CCDC85A: variants seen among roughly 807,000 people sequenced by gnomAD.
The protein encoded by CCDC85A is coiled-coil domain-containing protein 85A.
A neutral mutation model predicts 50.2 loss-of-function variants in CCDC85A; 38 were observed. That is an observed-to-expected ratio of 0.76 (90% CI 0.58 to 0.99). CCDC85A has a LOEUF of 0.99. CCDC85A is among the 50% of genes least tolerant of loss of function. The probability of loss-of-function intolerance (pLI) is 0.00; values close to 1 mark genes in which losing one functional copy is unlikely to be tolerated. For synonymous variants in CCDC85A, 366 were observed against 301.4 expected, an observed-to-expected ratio of 1.21 and a Z score of -2.22; for missense variants, 820 against 742.0, an observed-to-expected ratio of 1.11 and a Z score of -1.22.
Position 56,184,081 on chromosome 2 carries a change from C to A in CCDC85A, c.-544C>A. On this transcript the variant is annotated 5_prime_UTR_variant, in exon 1 of 6. Coordinates refer to ENST00000407595, the MANE Select transcript of CCDC85A (RefSeq NM_001080433.2). ...GAAGGCGGCAGGAGGAGCGCAGCAGCCTTCGGGCAGCCGCGGCGGCGTCGC... is the reference window on the plus strand; with the variant it reads ...GAAGGCGGCAGGAGGAGCGCAGCAGACTTCGGGCAGCCGCGGCGGCGTCGC... 1.0e-6 allele frequency: 1 copy of A among 985,398 alleles called. No homozygotes were observed. Among genetic ancestry groups the A allele is most frequent in the South Asian group, 4.7e-5 (1 of 21,284 alleles). The allele number at this position is 985,398 out of a possible 1,614,324, so 61.0% of individuals were successfully genotyped here.
At chr2:56,264,851 T>C (rs1670369739) in intron 2 of CCDC85A, among the ~76,000 whole-genome samples, 1 of 152,206 alleles carries the variant, frequency 6.6e-6, no homozygotes, top group Admixed American at 6.5e-5. Flanking sequence ...TTCTCTTCTT[T>C]AGTCACACGA....
At chr2:56,259,309 G>C (rs1313321234) in intron 2 of CCDC85A, among the ~76,000 whole-genome samples, 2 of 152,144 alleles carry the variant, frequency 1.3e-5, no homozygotes, top group Non-Finnish European at 2.9e-5. Context: ...TTGGAAGTAA[G>C]TCCTTCAGAT....
chr2:56,255,212 T>G (rs1669930827), intron 2 of CCDC85A, among the ~76,000 whole-genome samples: 1 of 152,178 alleles, frequency 6.6e-6, no homozygotes, highest in South Asian at 2.1e-4. Flanking sequence ...GTGGTATAGT[T>G]TTCTGTAAGA....
chr2:56,196,884 CAA>C (rs11301097), intron 2 of CCDC85A, among the ~76,000 whole-genome samples: 23,733 of 131,096 alleles, frequency 0.18, 1,933 homozygotes, highest in African/African-American at 0.24. Context: ...TCTTCGTCTT[CAA>C]AAAAAAAAAA....
At chr2:56,231,674 T>G (rs764230675) in intron 2 of CCDC85A, among the ~76,000 whole-genome samples, 1 of 152,184 alleles carries the variant, frequency 6.6e-6, no homozygotes, top group Non-Finnish European at 1.5e-5. Flanking sequence ...GTTCATGGCT[T>G]TAGACGGGTC....
intron 2 of CCDC85A, among the ~76,000 whole-genome samples, chr2:56,204,910 G>T (rs570399900): frequency 2.6e-5 from 4 of 152,142 alleles, no homozygotes; most frequent in African/African-American, 9.7e-5. Context: ...CTCGGCAAAC[G>T]GGGAGCTAAA....
intron 2 of CCDC85A, among the ~76,000 whole-genome samples, chr2:56,327,918 G>C (rs755734744): frequency 2.0e-4 from 30 of 151,118 alleles, no homozygotes; most frequent in Non-Finnish European, 3.7e-4. Flanking sequence ...CCTGCTCTGT[G>C]CTAGTCCTTG....
At chr2:56,381,669 C>T (rs2104408392) in intron 5 of CCDC85A, among the ~76,000 whole-genome samples, 1 of 152,178 alleles carries the variant, frequency 6.6e-6, no homozygotes, top group South Asian at 2.1e-4. Flanking sequence ...GTGAAAAGCA[C>T]CCTATCTTAC....
intron 2 of CCDC85A, among the ~76,000 whole-genome samples, chr2:56,218,306 G>A (rs557020877): frequency 6.6e-6 from 1 of 151,820 alleles, no homozygotes; most frequent in East Asian, 1.9e-4. Flanking sequence ...AATAAGTTTT[G>A]TAGTTCTCTA....
At chr2:56,225,203 T>G (rs1668492333) in intron 2 of CCDC85A, among the ~76,000 whole-genome samples, 1 of 152,036 alleles carries the variant, frequency 6.6e-6, no homozygotes, top group Non-Finnish European at 1.5e-5. Flanking sequence ...GGTGGGCAGA[T>G]CACGAGGTCA....
chr2:56,383,937 G>A (rs1676709070), intron 5 of CCDC85A, among the ~76,000 whole-genome samples: 1 of 151,846 alleles, frequency 6.6e-6, no homozygotes, highest in Non-Finnish European at 1.5e-5. Context: ...GAATCTTCAA[G>A]GATGGGGATT....
At chr2:56,376,731 A>G (rs1276160625) in intron 5 of CCDC85A, among the ~76,000 whole-genome samples, 2 of 152,230 alleles carry the variant, frequency 1.3e-5, no homozygotes, top group Non-Finnish European at 2.9e-5. Context: ...TTGAAATTTT[A>G]TCAGTTTCAA....
At chr2:56,249,097 A>G (rs1431768011) in intron 2 of CCDC85A, among the ~76,000 whole-genome samples, 2 of 152,226 alleles carry the variant, frequency 1.3e-5, no homozygotes, top group Non-Finnish European at 2.9e-5. Flanking sequence ...TCTTCTGTCT[A>G]ATATCCTGCA....
intron 3 of CCDC85A, among the ~76,000 whole-genome samples, chr2:56,365,212 ACAGACAT>A (rs1206135167): frequency 6.6e-6 from 1 of 152,184 alleles, no homozygotes; most frequent in Admixed American, 6.5e-5. Context: ...CTGTGACTCC[ACAGACAT>A]CAATCTCAGC....
chr2:56,254,265 A>C (rs570032974), intron 2 of CCDC85A, among the ~76,000 whole-genome samples: 2 of 151,846 alleles, frequency 1.3e-5, no homozygotes, highest in East Asian at 3.9e-4. Flanking sequence ...TTGTCTTAAC[A>C]TTCTCGGAGG....
At chr2:56,213,637 AGATT>A (rs777796642) in intron 2 of CCDC85A, among the ~76,000 whole-genome samples, 5 of 151,944 alleles carry the variant, frequency 3.3e-5, no homozygotes, top group Non-Finnish European at 7.4e-5. Context: ...GGCCAAACAG[AGATT>A]GAACTGCCTC....
At chr2:56,220,141 G>A (rs895287441) in intron 2 of CCDC85A, among the ~76,000 whole-genome samples, 3 of 151,878 alleles carry the variant, frequency 2.0e-5, no homozygotes, top group African/African-American at 7.3e-5. Context: ...TCTATTTCGG[G>A]AATTCTGAGA....
At chr2:56,298,330 T>G (rs1252529696) in intron 2 of CCDC85A, among the ~76,000 whole-genome samples, 1 of 152,144 alleles carries the variant, frequency 6.6e-6, no homozygotes, top group East Asian at 1.9e-4. Flanking sequence ...ACCCCTGCAT[T>G]GCCTAGGAAG....
At chr2:56,197,105 T>G (rs1676557081) in intron 2 of CCDC85A, among the ~76,000 whole-genome samples, 3 of 152,232 alleles carry the variant, frequency 2.0e-5, no homozygotes, top group Admixed American at 2.0e-4. Context: ...TAAGTCTTCC[T>G]CCTGAAAGCT....
Sources: allele counts gnomAD v4.1 joint callset (sites outside exome capture counted in the v4.1 genomes callset), GRCh38; gene constraint gnomAD v4.1.1; transcripts MANE v1.5; gene names NCBI Gene and HGNC (gene_info 2026-07-23, HGNC 2026-07-21).